The following KIAA1549 variants were observed in gnomAD, a reference collection of about 807,000 sequenced individuals.
KIAA1549 encodes KIAA1549.
A neutral mutation model predicts 156.4 loss-of-function variants in KIAA1549; 70 were observed. The ratio of observed to expected loss-of-function variants is 0.45; its 90% CI spans 0.37 to 0.55. KIAA1549 has a LOEUF of 0.55. Among genes scored for constraint, KIAA1549 ranks in the 20% least tolerant of loss-of-function variants. The pLI is 0.00. For missense variants in KIAA1549, 2,428 were observed against 2,540.9 expected, an observed-to-expected ratio of 0.96 and a Z score of 0.96; for synonymous variants, 1,103 against 1,066.4, an observed-to-expected ratio of 1.03 and a Z score of -0.67.
chr7:138,905,009 A>G lies in KIAA1549; in HGVS notation c.3520+13T>C. The G allele has an allele frequency of 6.6e-7, 1 of 1,525,648 alleles. No individual in the cohort carries two copies. The highest frequency in any genetic ancestry group is 8.9e-7 in the Non-Finnish European group (1 of 1,119,406). The allele number at this position is 1,525,648 out of a possible 1,614,324, so 94.5% of individuals were successfully genotyped here. ...CCTTACAGTTCCCAAAATATTACAT[A>G]AGTTAAACATACCTGTTCTGACCCA... On this transcript the variant is annotated intron_variant, in intron 7 of 19. Transcript: ENST00000422774.
intron 12 of KIAA1549, among the ~76,000 whole-genome samples, chr7:138,873,474 C>T (rs1169862437): frequency 1.3e-5 from 2 of 151,900 alleles, no homozygotes; most frequent in Non-Finnish European, 2.9e-5. Flanking sequence ...TTAACCCAGA[C>T]TTATAGAGTA....
intron 7 of KIAA1549, 116 bp from the exon 8 acceptor site, chr7:138,903,852 T>TGTGC (rs1299779818): frequency 7.7e-5 from 22 of 287,488 alleles, no homozygotes; most frequent in Admixed American, 4.0e-4. Context: ...TGTGTGTGTG[T>TGTGC]GCGCGCGCGC....
Position 138,852,262 on chromosome 7 carries a change from T to C in KIAA1549, c.5255A>G (p.Glu1752Gly), listed in dbSNP as rs902568442. 1 of 1,607,890 alleles carries C rather than the reference T, an allele frequency of 6.2e-7. No individual in the cohort carries two copies. The highest frequency in any genetic ancestry group is 1.3e-5 in the African/African-American group (1 of 74,906). The change falls in exon 17 of 20, where the codon GAA becomes GGA. Residue 1752 changes from glutamate (E) to glycine (G), a missense_variant. Transcript: ENST00000422774. ...QTANNPCSRY[E>G]DYGMTPPTGP... is the part of the protein sequence containing the mutation. ...CGTCGGGGGAGTCATTCCATAGTCT[T>C]CGTATCTCTGGAAGACATACAAAAG...
At chr7:138,877,608 C>T (rs578191617) in intron 12 of KIAA1549, among the ~76,000 whole-genome samples, 1 of 152,196 alleles carries the variant, frequency 6.6e-6, no homozygotes, top group Non-Finnish European at 1.5e-5. Flanking sequence ...TACACAGCAG[C>T]ATTAAAGCTA....
At chr7:138,977,909 A>G (rs1302472151) in intron 1 of KIAA1549, among the ~76,000 whole-genome samples, 1 of 152,204 alleles carries the variant, frequency 6.6e-6, no homozygotes, top group Non-Finnish European at 1.5e-5. Context: ...CATGTTGGCC[A>G]GGATGGTCTC....
Position 138,918,718 on chromosome 7 carries a change from G to T in KIAA1549, c.908C>A (p.Ser303Tyr). The part of the protein sequence containing the change: ...LGDGITIPLP[S>Y]LGEVSQPPEE... ...TGGAGGCTGTGAGACCTCCCCCAAG[G>T]AGGGCAACGGTATAGTAATGCCGTC... The change falls in exon 2 of 20, where the codon TCC becomes TAC. Residue 303 changes from serine (S) to tyrosine (Y), a missense_variant. Physicochemically the swap from Ser to Tyr is moderately radical, Grantham distance 144. This residue lies in a region of KIAA1549 where 893 missense variants were observed against 847.9 expected (regional missense o/e 1.05). Transcript: ENST00000422774. The surrounding 1 kb of genome is among the most constrained non-coding windows in gnomAD (Gnocchi z 4.2). 1 of 1,613,882 alleles carries T rather than the reference G, an allele frequency of 6.2e-7. No homozygotes were observed.
intron 12 of KIAA1549, among the ~76,000 whole-genome samples, chr7:138,873,599 TAAAA>T (rs57051860): frequency 1.9e-5 from 2 of 105,772 alleles, no homozygotes; most frequent in Non-Finnish European, 1.9e-5. Flanking sequence ...TGACAGGCAT[TAAAA>T]AAAAAAAAAA....
chr7:138,920,656 GTGATGGCCCAGCCAC>G (rs1812541214), intron 1 of KIAA1549, among the ~76,000 whole-genome samples: 1 of 152,196 alleles, frequency 6.6e-6, no homozygotes, highest in Admixed American at 6.5e-5. Context: ...AAAAGGACAA[GTGATGGCCCAGCCAC>G]TGATGAAAGC....
In KIAA1549 at chr7:138,917,588, A is replaced by G. The variant is rs1389350657; in HGVS notation, c.2038T>C (p.Ser680Pro). The G allele has an allele frequency of 6.2e-7, 1 of 1,613,844 alleles. No individual in the cohort carries two copies. Among genetic ancestry groups the G allele is most frequent in the Non-Finnish European group, 8.5e-7 (1 of 1,179,914 alleles). Residue 680 changes from serine to proline, a missense_variant, in exon 2 of 20, where the codon TCA becomes CCA. By Grantham distance (74) the Ser-to-Pro change is moderately conservative (BLOSUM62 -1). Coordinates refer to ENST00000422774, the MANE Select transcript of KIAA1549 (RefSeq NM_001164665.2). ...FTLFDSSDLQ[S>P]SQLSLPSSTN... ...GAACTGGGAAGAGACAGCTGAGATG[A>G]CTGCAGATCACTAGAGTCAAACAAT...
At chr7:138,958,795 G>A (rs1312876008) in intron 1 of KIAA1549, among the ~76,000 whole-genome samples, 1 of 152,108 alleles carries the variant, frequency 6.6e-6, no homozygotes, top group African/African-American at 2.4e-5. Context: ...AAACAAACCA[G>A]TATGATTCAG....
intron 1 of KIAA1549, among the ~76,000 whole-genome samples, chr7:138,972,023 T>C (rs1385836577): frequency 6.6e-6 from 1 of 152,050 alleles, no homozygotes; most frequent in East Asian, 1.9e-4. Context: ...GTAGAGGTCG[T>C]GACAGTCACC....
chr7:138,907,423 G>A (rs190754300), intron 5 of KIAA1549, among the ~76,000 whole-genome samples: 17 of 152,288 alleles, frequency 1.1e-4, no homozygotes, highest in East Asian at 3.9e-4. Context: ...TAGAGATTCC[G>A]TCAAACCTCT....
chr7:138,930,111 G>C (rs530305195), intron 1 of KIAA1549, among the ~76,000 whole-genome samples: 1 of 152,320 alleles, frequency 6.6e-6, no homozygotes, highest in South Asian at 2.1e-4. Flanking sequence ...GAGTTATTGG[G>C]TGACTAGGTC....
At chr7:138,971,098 C>A (rs545062159) in intron 1 of KIAA1549, among the ~76,000 whole-genome samples, 2 of 152,186 alleles carry the variant, frequency 1.3e-5, no homozygotes, top group African/African-American at 2.4e-5. Context: ...TCCGCCAAGG[C>A]TCTGGGCCAC....
chr7:138,890,522 C>G (rs983910178), intron 10 of KIAA1549, among the ~76,000 whole-genome samples: 1 of 152,242 alleles, frequency 6.6e-6, no homozygotes, highest in Non-Finnish European at 1.5e-5. Flanking sequence ...CAGCCCCACA[C>G]GGGCACTCCC....
intron 6 of KIAA1549, among the ~76,000 whole-genome samples, chr7:138,906,514 A>C (rs1412823745): frequency 6.6e-6 from 1 of 152,216 alleles, no homozygotes; most frequent in Non-Finnish European, 1.5e-5. Context: ...CACTAAAAAA[A>C]CTCAAGTCTT....
At chr7:138,906,814 T>A in intron 6 of KIAA1549, 105 bp downstream of exon 6, 1 of 874,904 alleles carries the variant, frequency 1.1e-6, no homozygotes, top group Non-Finnish European at 1.7e-6. Context: ...AAATAATTTT[T>A]AAAAAATCAA....
Position 138,838,156 on chromosome 7 carries a change from T to C in KIAA1549, c.5603A>G (p.His1868Arg), listed in dbSNP as rs1404433735. 1 of 1,466,290 alleles carries C rather than the reference T, an allele frequency of 6.8e-7. No individual in the cohort carries two copies. Among genetic ancestry groups the C allele is most frequent in the Non-Finnish European group, 9.0e-7 (1 of 1,114,976 alleles). The allele number at this position is 1,466,290 out of a possible 1,614,324, so 90.8% of individuals were successfully genotyped here. A position where few individuals can be genotyped will look rare whatever the true frequency, so the allele number is the denominator to read the frequency against. ...EDEAGRREATHMLGHQEYSSS... is the reference protein window; with the variant it reads ...EDEAGRREATRMLGHQEYSSS... ...AGAATACTCTTGATGTCCGAGCATGTGTGTCTGAAAAACATGGCAAACGTC... is the reference window on the plus strand; with the variant it reads ...AGAATACTCTTGATGTCCGAGCATGCGTGTCTGAAAAACATGGCAAACGTC... The change falls in exon 20 of 20, where the codon CAC (histidine) becomes CGC (arginine). Residue 1868 changes from histidine (H) to arginine (R), a missense_variant. Around this residue, in one of 5 missense-constraint regions of KIAA1549, gnomAD observed 363 missense variants for 354.0 expected, o/e 1.03. Coordinates refer to ENST00000422774, the MANE Select transcript of KIAA1549 (RefSeq NM_001164665.2).
chr7:138,953,921 A>G (rs1813579870), intron 1 of KIAA1549, among the ~76,000 whole-genome samples: 1 of 152,124 alleles, frequency 6.6e-6, no homozygotes, highest in South Asian at 2.1e-4. Flanking sequence ...AAATGGCAGT[A>G]TTTTTTCTTC....
Sources: allele counts gnomAD v4.1 joint callset (sites outside exome capture counted in the v4.1 genomes callset), GRCh38; gene constraint gnomAD v4.1.1; regional missense constraint gnomAD v4.1.1; non-coding constraint Gnocchi (gnomAD v3.1); transcripts MANE v1.5; gene names NCBI Gene and HGNC (gene_info 2026-07-23, HGNC 2026-07-21).